MACROD2: variants seen among roughly 807,000 people sequenced by gnomAD.
MACROD2 encodes mono-ADP ribosylhydrolase 2, also known as ADP-ribose glycohydrolase MACROD2.
A neutral mutation model predicts 70.4 loss-of-function variants in MACROD2; 36 were observed. The ratio of observed to expected loss-of-function variants is 0.51; its 90% CI spans 0.39 to 0.68. MACROD2 has a LOEUF of 0.68. MACROD2 is among the 30% of genes least tolerant of loss of function. The pLI is 0.00. For synonymous variants in MACROD2, 172 were observed against 178.8 expected (o/e 0.96, Z 0.30); for missense variants, 496 against 538.4 (o/e 0.92, Z 0.78).
chr20:15,716,824 T>G (rs2146927169), intron 8 of MACROD2, among the ~76,000 whole-genome samples: 1 of 152,250 alleles, frequency 6.6e-6, no homozygotes, highest in South Asian at 2.1e-4. Context: ...TTTACATGAT[T>G]AGGAAAGGCT....
At chr20:14,289,304 C>T (rs1357909875) in intron 3 of MACROD2, among the ~76,000 whole-genome samples, 2 of 152,184 alleles carry the variant, frequency 1.3e-5, no homozygotes, top group Non-Finnish European at 2.9e-5. Context: ...GTCTATCAGT[C>T]TCCACACCTA....
At chr20:14,573,464 A>G (rs1207350648) in intron 4 of MACROD2, among the ~76,000 whole-genome samples, 1 of 152,210 alleles carries the variant, frequency 6.6e-6, no homozygotes, top group Non-Finnish European at 1.5e-5. Flanking sequence ...GTATCTACGT[A>G]CATTTTAGCT....
chr20:14,725,861 G>T (rs71331803), intron 5 of MACROD2, among the ~76,000 whole-genome samples: 1 of 152,082 alleles, frequency 6.6e-6, no homozygotes, highest in Admixed American at 6.6e-5. Flanking sequence ...CTCTATATGG[G>T]CCAAGAAAAA....
intron 10 of MACROD2, among the ~76,000 whole-genome samples, chr20:15,931,435 A>G (rs2065575034): frequency 6.6e-6 from 1 of 152,112 alleles, no homozygotes; most frequent in South Asian, 2.1e-4. Context: ...TTAGGCCAGG[A>G]GTTCAAAACC....
chr20:15,433,418 T>A (rs2146361161), intron 7 of MACROD2, among the ~76,000 whole-genome samples: 1 of 120,548 alleles, frequency 8.3e-6, no homozygotes, highest in African/African-American at 3.6e-5. Context: ...ACAACCAAGT[T>A]GAGAATCAAA....
At chr20:14,627,982 T>G (rs1385490267) in intron 4 of MACROD2, among the ~76,000 whole-genome samples, 1 of 152,248 alleles carries the variant, frequency 6.6e-6, no homozygotes, top group Non-Finnish European at 1.5e-5. Context: ...ATGGGATAAC[T>G]AATTTAGCTT....
At chr20:15,224,056 A>T (rs897500898) in intron 5 of MACROD2, among the ~76,000 whole-genome samples, 1 of 152,168 alleles carries the variant, frequency 6.6e-6, no homozygotes, top group African/African-American at 2.4e-5. Flanking sequence ...AGACCACATG[A>T]AGAGAGAAAG....
At chr20:15,471,255 C>A (rs1419718282) in intron 7 of MACROD2, among the ~76,000 whole-genome samples, 3 of 152,170 alleles carry the variant, frequency 2.0e-5, no homozygotes, top group Non-Finnish European at 4.4e-5. Context: ...CAGCTGGGCC[C>A]TTACCACTTA....
intron 8 of MACROD2, among the ~76,000 whole-genome samples, chr20:15,580,263 G>A (rs940711367): frequency 1.3e-5 from 2 of 152,142 alleles, no homozygotes; most frequent in African/African-American, 2.4e-5. Flanking sequence ...TCCTTCCCGT[G>A]ACAATTTGGA....
intron 15 of MACROD2, among the ~76,000 whole-genome samples, chr20:16,032,662 A>G (rs1212263517): frequency 6.7e-6 from 1 of 150,302 alleles, no homozygotes; most frequent in East Asian, 2.0e-4. Flanking sequence ...AGAAAAGGAA[A>G]GAGGGATGGA....
intron 4 of MACROD2, among the ~76,000 whole-genome samples, chr20:14,494,878 G>C (rs945623731): frequency 6.6e-6 from 1 of 152,022 alleles, no homozygotes; most frequent in Non-Finnish European, 1.5e-5. Context: ...TCTTGTAATA[G>C]GTGAAGAAAA....
chr20:16,029,410 T>G (rs1369988904), intron 15 of MACROD2, among the ~76,000 whole-genome samples: 1 of 152,170 alleles, frequency 6.6e-6, no homozygotes, highest in African/African-American at 2.4e-5. Context: ...CACCTGATCT[T>G]GGGTGAAAGA....
At chr20:14,503,458 A>G (rs1301767364) in intron 4 of MACROD2, among the ~76,000 whole-genome samples, 1 of 152,210 alleles carries the variant, frequency 6.6e-6, no homozygotes, top group Non-Finnish European at 1.5e-5. Flanking sequence ...CTGAGTCTCC[A>G]AAACTGGCTT....
intron 8 of MACROD2, among the ~76,000 whole-genome samples, chr20:15,710,737 T>C (rs1264732342): frequency 6.6e-6 from 1 of 152,186 alleles, no homozygotes; most frequent in African/African-American, 2.4e-5. Context: ...CAAAGTAGTA[T>C]TTTCATAACA....
intron 10 of MACROD2, among the ~76,000 whole-genome samples, chr20:15,887,826 A>G (rs993264666): frequency 2.0e-5 from 3 of 152,214 alleles, no homozygotes; most frequent in African/African-American, 7.2e-5. Context: ...TATAATCAAT[A>G]TAAAAATAGT....
At chr20:14,289,886 A>G (rs1844997962) in intron 3 of MACROD2, among the ~76,000 whole-genome samples, 1 of 152,202 alleles carries the variant, frequency 6.6e-6, no homozygotes, top group African/African-American at 2.4e-5. Context: ...GTTTTAAAAT[A>G]TTTTTGACCT....
chr20:15,735,065 A>T (rs1439058689), intron 8 of MACROD2, among the ~76,000 whole-genome samples: 1 of 152,084 alleles, frequency 6.6e-6, no homozygotes, highest in Non-Finnish European at 1.5e-5. Flanking sequence ...GGTTCAGGTG[A>T]TGCTCCTGCC....
intron 5 of MACROD2, among the ~76,000 whole-genome samples, chr20:14,977,755 A>G (rs1327515381): frequency 6.6e-6 from 1 of 152,148 alleles, no homozygotes; most frequent in Non-Finnish European, 1.5e-5. Context: ...AGTAAAAGGG[A>G]AGATGAGGAA....
chr20:15,832,588 C>T (rs1171948128), intron 8 of MACROD2, among the ~76,000 whole-genome samples: 4 of 152,222 alleles, frequency 2.6e-5, no homozygotes, highest in African/African-American at 9.6e-5. Flanking sequence ...AAAAAACACC[C>T]ATACATATTC....
Sources: allele counts gnomAD v4.1 joint callset (sites outside exome capture counted in the v4.1 genomes callset), GRCh38; gene constraint gnomAD v4.1.1; transcripts MANE v1.5; gene names NCBI Gene and HGNC (gene_info 2026-07-23, HGNC 2026-07-21).